Variants in DEPDC5 observed in about 807,000 individuals in gnomAD.
The protein encoded by DEPDC5 is DEP domain containing 5, GATOR1 subcomplex subunit.
A neutral mutation model predicts 217.3 loss-of-function variants in DEPDC5; 73 were observed. The observed-to-expected ratio is 0.34, with a 90% CI of 0.28 to 0.41. The LOEUF is 0.41. DEPDC5 is among the 10% of genes least tolerant of loss of function. DEPDC5 has a pLI of 1.00. For missense variants in DEPDC5, 1,675 were observed against 2,070.1 expected, an observed-to-expected ratio of 0.81 and a Z score of 3.70; for synonymous variants, 733 against 756.7, an observed-to-expected ratio of 0.97 and a Z score of 0.51.
intron 8 of DEPDC5, 72 bp from the exon 9 acceptor site, chr22:31,783,835 G>A: frequency 7.5e-7 from 1 of 1,326,212 alleles, no homozygotes; most frequent in South Asian, 1.3e-5. Flanking sequence ...CAGATCTTCA[G>A]AACTTTTTCA....
chr22:31,864,501 A>AATATATATATATATATAT (rs34148134), intron 33 of DEPDC5, among the ~76,000 whole-genome samples: 65 of 123,118 alleles, frequency 5.3e-4, no homozygotes, highest in South Asian at 1.7e-3. Flanking sequence ...TCTTCATTAA[A>AATATATATATATATATAT]ATATATATAT....
At chr22:31,865,638 G>T (rs1024825532) in intron 33 of DEPDC5, among the ~76,000 whole-genome samples, 2 of 152,220 alleles carry the variant, frequency 1.3e-5, no homozygotes, top group African/African-American at 4.8e-5. Flanking sequence ...CACCTGCTGG[G>T]TGTAGGGCTG....
chr22:31,793,340 TTTTA>T (rs1401907399), intron 12 of DEPDC5, among the ~76,000 whole-genome samples: 1 of 152,132 alleles, frequency 6.6e-6, no homozygotes, highest in African/African-American at 2.4e-5. Flanking sequence ...CTTCTAAATG[TTTTA>T]TTGTGAAAAA....
intron 38 of DEPDC5, among the ~76,000 whole-genome samples, chr22:31,885,972 G>A (rs1310863551): frequency 6.6e-6 from 1 of 150,924 alleles, no homozygotes; most frequent in Non-Finnish European, 1.5e-5. Context: ...GGCGGAGGTT[G>A]CATTGAGCCA....
rs373360535 is a variant in DEPDC5, at chr22:31,860,754, TA to T, written c.3265-605del. Among the ~76,000 whole-genome samples the T allele has an allele frequency of 7.2e-3, 1,091 of 151,252 alleles. 16 individuals carry two copies. Among genetic ancestry groups the T allele is most frequent in the Middle Eastern group, 0.051 (15 of 294 alleles). On this transcript the variant is annotated intron_variant, in intron 32 of 42. Transcript: ENST00000651528. ...GGCTGCTTCTGTATCCCCTGTTTGCTAAAAAAAAACTAAGCAAGAACTTACC... is the reference window on the plus strand; with the variant it reads ...GGCTGCTTCTGTATCCCCTGTTTGCTAAAAAAAACTAAGCAAGAACTTACC...
intron 27 of DEPDC5, among the ~76,000 whole-genome samples, chr22:31,840,820 C>T (rs1196057441): frequency 2.6e-5 from 4 of 152,182 alleles, no homozygotes; most frequent in Non-Finnish European, 5.9e-5. Context: ...TAAGTGTGAG[C>T]CAGGCCCTAT....
At chr22:31,873,356 G>A (rs2092903264) in intron 35 of DEPDC5, 24 bp downstream of exon 35, 2 of 1,606,164 alleles carry the variant, frequency 1.2e-6, no homozygotes, top group Admixed American at 1.7e-5. Context: ...CACAGTGTAG[G>A]GTTGGAAGGT....
chr22:31,861,269 A>G (rs1171381751), intron 32 of DEPDC5, 99 bp from the exon 33 acceptor site: 18 of 894,894 alleles, frequency 2.0e-5, no homozygotes, highest in East Asian at 6.5e-5. Flanking sequence ...TTTGTTTTTT[A>G]TACCTGTCTC....
intron 5 of DEPDC5, among the ~76,000 whole-genome samples, chr22:31,766,043 A>C (rs2082785694): frequency 6.6e-6 from 1 of 152,174 alleles, no homozygotes; most frequent in Admixed American, 6.5e-5. Context: ...ATAATAACTA[A>C]ATAAATATGT....
chr22:31,788,479 T>C (rs1296281544), intron 10 of DEPDC5, among the ~76,000 whole-genome samples: 1 of 151,514 alleles, frequency 6.6e-6, no homozygotes, highest in African/African-American at 2.4e-5. Flanking sequence ...GGTCTCACTA[T>C]GTTATCCAGG....
At chr22:31,777,651 A>G (rs1419783327) in intron 7 of DEPDC5, among the ~76,000 whole-genome samples, 1 of 152,114 alleles carries the variant, frequency 6.6e-6, no homozygotes, top group Non-Finnish European at 1.5e-5. Context: ...ATATTGGATA[A>G]TCTGTTCACG....
chr22:31,846,374 T>C (rs2149034467), intron 30 of DEPDC5, among the ~76,000 whole-genome samples: 1 of 152,268 alleles, frequency 6.6e-6, no homozygotes, highest in East Asian at 1.9e-4. Context: ...TAACCTCAAG[T>C]TCAGTATTCT....
chr22:31,782,649 C>T (rs1403858608), intron 8 of DEPDC5, among the ~76,000 whole-genome samples: 3 of 152,192 alleles, frequency 2.0e-5, no homozygotes, highest in African/African-American at 7.2e-5. Context: ...AGACTGGCAA[C>T]TCATCACCTG....
chr22:31,766,193 A>C (rs1283112897), intron 5 of DEPDC5, among the ~76,000 whole-genome samples: 1 of 152,224 alleles, frequency 6.6e-6, no homozygotes, highest in Non-Finnish European at 1.5e-5. Context: ...AACATTTTAA[A>C]ATGTATTCTC....
chr22:31,870,188 C>T (rs2092802666), intron 33 of DEPDC5, among the ~76,000 whole-genome samples: 1 of 152,174 alleles, frequency 6.6e-6, no homozygotes, highest in African/African-American at 2.4e-5. Flanking sequence ...TCTTTCAGTC[C>T]TGCTGTCCTC....
rs774659889 is a variant in DEPDC5 at position 31,906,442 on chromosome 22, G to A, written c.4757G>A (p.Arg1586Gln). 2.0e-5 allele frequency: 32 copies of A among 1,613,894 alleles called. No homozygotes were observed. The highest frequency in any genetic ancestry group is 4.5e-5 in the East Asian group (2 of 44,898). The change falls in exon 43 of 43, where the codon CGG (arginine) becomes CAG (glutamine). Residue 1586 changes from arginine to glutamine, a missense_variant. By Grantham distance (43) the Arg-to-Gln change is conservative (BLOSUM62 1). This residue lies in a region of DEPDC5 where 49 missense variants were observed against 74.7 expected (regional missense o/e 0.66). Coordinates refer to ENST00000651528, the MANE Select transcript of DEPDC5 (RefSeq NM_001242896.3). This position sits in a 1 kb window ranked among gnomAD's most constrained non-coding sequence, Gnocchi z 5.1. ...GACTTCTGCATCAACCGTGACAACC[G>A]GCTGGTCACGTTCTGGACAAGTTGC... ...FTDFCINRDN[R>Q]LVTFWTSCLE...
chr22:31,893,775 C>T (rs780974935), intron 39 of DEPDC5, 24 bp downstream of exon 39: 2 of 1,561,376 alleles, frequency 1.3e-6, no homozygotes, highest in Non-Finnish European at 1.7e-6. Context: ...TGCATGTTGT[C>T]AGGCCTTTGG....
intron 18 of DEPDC5, among the ~76,000 whole-genome samples, chr22:31,807,580 C>A (rs558139271): frequency 6.6e-6 from 1 of 151,950 alleles, no homozygotes; most frequent in South Asian, 2.1e-4. Flanking sequence ...TACAGGCACC[C>A]GCCACCACAC....
chr22:31,844,702 CTTTTTTT>C (rs136860), intron 29 of DEPDC5: 32 of 131,654 alleles, frequency 2.4e-4, no homozygotes, highest in Non-Finnish European at 3.0e-4. Context: ...CTTCAGAGCT[CTTTTTTT>C]TTTTTTTTTT....
Sources: allele counts gnomAD v4.1 joint callset (sites outside exome capture counted in the v4.1 genomes callset), GRCh38; gene constraint gnomAD v4.1.1; regional missense constraint gnomAD v4.1.1; non-coding constraint Gnocchi (gnomAD v3.1); transcripts MANE v1.5; gene names NCBI Gene and HGNC (gene_info 2026-07-23, HGNC 2026-07-21).